The following UNC93B1 variants were observed in gnomAD, a reference collection of about 807,000 sequenced individuals.
UNC93B1 encodes the protein protein unc-93 homolog B1.
Under a neutral mutation model 56.8 loss-of-function variants are expected in UNC93B1, and 33 were observed. The ratio of observed to expected loss-of-function variants is 0.58; its 90% confidence interval spans 0.44 to 0.78. UNC93B1 has a LOEUF of 0.78. Among genes scored for constraint, UNC93B1 ranks in the 30% least tolerant of loss-of-function variants. UNC93B1 has a pLI of 0.00. For missense variants in UNC93B1, 673 were observed against 819.5 expected, an observed-to-expected ratio of 0.82 and a Z score of 2.18; for synonymous variants, 334 against 358.6, an observed-to-expected ratio of 0.93 and a Z score of 0.77.
At chr11:67,997,876 C>T (rs1239653746) in intron 6 of UNC93B1, 77 bp from the exon 7 acceptor site, 10 of 1,559,416 alleles carry the variant, frequency 6.4e-6, no homozygotes, top group Middle Eastern at 1.7e-4. Flanking sequence ...GGTGGAGCCA[C>T]GCAGGCCGCG....
At position 67,999,686 on chromosome 11, in the gene UNC93B1, G is replaced by A. The variant is rs1490975669; in HGVS notation, c.393-6C>T. 1.2e-6 allele frequency: 2 copies of A among 1,609,570 alleles called. No individual in the cohort carries two copies. ...TCCACTTCGTTCCAAAAAACCTGCG[G>A]ACAGTGGGAGAGATGCTGGCACCAC... is the stretch of plus-strand genomic sequence containing the variant. On this transcript the variant is annotated splice_region_variant and splice_polypyrimidine_tract_variant and intron_variant, in intron 3 of 10. Coordinates refer to ENST00000227471, the MANE Select transcript of UNC93B1 (RefSeq NM_030930.4).
chr11:68,003,320 G>C lies in UNC93B1; in HGVS notation c.239-145C>G. On this transcript the variant is annotated intron_variant, in intron 2 of 10. Transcript: ENST00000227471. The surrounding 1 kb of genome is among the most constrained non-coding windows in gnomAD (Gnocchi z 4.4). ...CGCCCCTCAGGACAGCGGGGTTCCC[G>C]GGCTGCGCCACGCCTTCTGCCAGCC... 9.1e-7 allele frequency: 1 copy of C among 1,099,044 alleles called. No individual in the cohort carries two copies. The highest frequency in any genetic ancestry group is 1.2e-6 in the Non-Finnish European group (1 of 805,638). The allele number at this position is 1,099,044 out of a possible 1,614,324, so 68.1% of individuals were successfully genotyped here.
chr11:68,003,013 C>T lies in UNC93B1; in HGVS notation c.392+9G>A. ...TACCGCAGCATCCCACAGGAGCAGC[C>T]GCGCCCACCTGATGAGCACAGGTGT... On this transcript the variant is annotated intron_variant, in intron 3 of 10. Coordinates refer to ENST00000227471, the MANE Select transcript of UNC93B1 (RefSeq NM_030930.4). The surrounding 1 kb of genome is among the most constrained non-coding windows in gnomAD (Gnocchi z 4.4). The T allele has an allele frequency of 4.4e-6, 7 of 1,604,816 alleles. No individual in the cohort carries two copies. Among genetic ancestry groups the T allele is most frequent in the Non-Finnish European group, 6.0e-6 (7 of 1,176,100 alleles).
intron 3 of UNC93B1, among the ~76,000 whole-genome samples, chr11:68,002,177 C>T (rs1257773856): frequency 3.5e-5 from 4 of 112,970 alleles, no homozygotes; most frequent in Non-Finnish European, 7.2e-5. Context: ...AAACATAGCC[C>T]GCTTGCATAC....
Position 68,003,836 on chromosome 11 carries a change from C to T in UNC93B1, c.97-38G>A, listed in dbSNP as rs1432426237. On this transcript the variant is annotated intron_variant, in intron 1 of 10. Transcript: ENST00000227471. The surrounding 1 kb of genome is among the most constrained non-coding windows in gnomAD (Gnocchi z 4.4). ...CACGCCGCTCGCACCCGCGATCGCGCCCCGAACCCGTGTCCCCCGGTGCCC... is the reference window on the plus strand; with the variant it reads ...CACGCCGCTCGCACCCGCGATCGCGTCCCGAACCCGTGTCCCCCGGTGCCC... The T allele has an allele frequency of 2.1e-6, 3 of 1,428,820 alleles. No homozygotes were observed. The highest frequency in any genetic ancestry group is 3.0e-5 in the African/African-American group (2 of 67,594). 88.5% of individuals were successfully genotyped at this position (1,428,820 alleles called of 1,614,324 possible).
intron 3 of UNC93B1, among the ~76,000 whole-genome samples, chr11:68,001,040 C>CA (rs1857037328): frequency 2.6e-5 from 4 of 151,710 alleles, no homozygotes; most frequent in East Asian, 1.9e-4. Context: ...ACTAAAAATA[C>CA]AAAAAATTAG....
Position 68,003,256 on chromosome 11 carries a change from G to T in UNC93B1, c.239-81C>A, listed in dbSNP as rs1177174440. 5.7e-6 allele frequency: 8 copies of T among 1,405,706 alleles called. No homozygotes were observed. The highest frequency in any genetic ancestry group is 6.6e-6 in the Non-Finnish European group (7 of 1,066,166). 87.1% of individuals were successfully genotyped at this position (1,405,706 alleles called of 1,614,324 possible). ...GAGCAGAAGACGGCATGCAGGCCTC[G>T]CAGGGAGCTCCAATCACCGAAGGCA... On this transcript the variant is annotated intron_variant, in intron 2 of 10. Transcript: ENST00000227471. This position sits in a 1 kb window ranked among gnomAD's most constrained non-coding sequence, Gnocchi z 4.4.
At chr11:67,994,931 T>G (rs1185089284) in intron 9 of UNC93B1, among the ~76,000 whole-genome samples, 2 of 152,206 alleles carry the variant, frequency 1.3e-5, no homozygotes, top group African/African-American at 4.8e-5. Context: ...TCAGGGAGCA[T>G]CCTGGAGCTG....
intron 7 of UNC93B1, among the ~76,000 whole-genome samples, chr11:67,997,181 T>C (rs1033937952): frequency 2.3e-5 from 3 of 127,846 alleles, no homozygotes; most frequent in South Asian, 2.7e-4. Flanking sequence ...ACCCACAGAC[T>C]TCGGCCCCGC....
chr11:67,994,240 T>C (rs187038750), intron 9 of UNC93B1, among the ~76,000 whole-genome samples: 170 of 152,268 alleles, frequency 1.1e-3, no homozygotes, highest in African/African-American at 3.9e-3. Context: ...TCCTTTCCAG[T>C]GAGTCCTCCC....
intron 10 of UNC93B1, among the ~76,000 whole-genome samples, chr11:67,992,945 G>A (rs1404383145): frequency 2.0e-5 from 3 of 152,134 alleles, no homozygotes; most frequent in Non-Finnish European, 4.4e-5. Flanking sequence ...TTACAGGCGT[G>A]AGCCACTACT....
chr11:68,003,067 T>C lies in UNC93B1; in HGVS notation c.347A>G (p.Asn116Ser), dbSNP rs1241887801. 1 of 1,612,568 alleles carries C rather than the reference T, an allele frequency of 6.2e-7. No homozygotes were observed. Among genetic ancestry groups the C allele is most frequent in the Admixed American group, 1.7e-5 (1 of 59,910 alleles). ...DIDSKMLMGI[N>S]VTPIAALLYT... ...GAGCAGGGCGGCGATGGGAGTCACG[T>C]TGATGCCCATCAGCATTTTGCTGTC... is the stretch of plus-strand genomic sequence containing the variant. Residue 116 changes from asparagine (N) to serine (S), a missense_variant, in exon 3 of 11, where the codon AAC (asparagine) becomes AGC (serine). Around this residue, in one of 3 missense-constraint regions of UNC93B1, gnomAD observed 438 missense variants for 465.9 expected, o/e 0.94. Transcript: ENST00000227471. This position sits in a 1 kb window ranked among gnomAD's most constrained non-coding sequence, Gnocchi z 4.4.
In UNC93B1 at chr11:67,997,687, C is replaced by A; in HGVS notation, c.894G>T (p.Leu298=). ...VESVLMAVAF[L]AMLLVLGLCG... Reference sequence around the variant, plus strand: ...TCCCGGGCCGCACCAGCAGCATGGCCAGGAAGGCCACTGCCATGAGCACGC... The same window carrying A: ...TCCCGGGCCGCACCAGCAGCATGGCAAGGAAGGCCACTGCCATGAGCACGC... Residue 298 remains leucine, a synonymous_variant, in exon 7 of 11, where the codon CTG becomes CTT. Transcript: ENST00000227471. The A allele has an allele frequency of 1.2e-6, 2 of 1,605,046 alleles. No homozygotes were observed. The highest frequency in any genetic ancestry group is 1.7e-6 in the Non-Finnish European group (2 of 1,179,834).
intron 3 of UNC93B1, among the ~76,000 whole-genome samples, chr11:68,000,517 T>C (rs983065023): frequency 3.3e-5 from 5 of 151,926 alleles, no homozygotes; most frequent in African/African-American, 9.7e-5. Flanking sequence ...ATACAAAAAT[T>C]AGCCGGGTGT....
At chr11:67,999,889 G>T (rs759567299) in intron 3 of UNC93B1, among the ~76,000 whole-genome samples, 1 of 152,254 alleles carries the variant, frequency 6.6e-6, no homozygotes, top group Non-Finnish European at 1.5e-5. Context: ...TGTAATATGG[G>T]CACGGAGCCC....
At position 67,996,571 on chromosome 11, in the gene UNC93B1, T is replaced by C. The variant is rs910048546; in HGVS notation, c.1089+31A>G. ...AAATTTACCTGGCTATCTTGTCTTTTGTCGGGCAATCCTTTGCAGGCTGTA... is the reference window on the plus strand; with the variant it reads ...AAATTTACCTGGCTATCTTGTCTTTCGTCGGGCAATCCTTTGCAGGCTGTA... On this transcript the variant is annotated intron_variant, in intron 8 of 10. Transcript: ENST00000227471. The C allele has an allele frequency of 1.2e-5, 18 of 1,490,936 alleles. 1 individual carries two copies. In the East Asian group the frequency reaches 4.5e-4, roughly 38 times the overall value. The allele number at this position is 1,490,936 out of a possible 1,614,324, so 92.4% of individuals were successfully genotyped here. A position where few individuals can be genotyped will look rare whatever the true frequency, so the allele number is the denominator to read the frequency against.
intron 7 of UNC93B1, 133 bp downstream of exon 7, chr11:67,997,542 C>T: frequency 6.8e-7 from 1 of 1,471,838 alleles, no homozygotes. Context: ...ATCGCGCTCC[C>T]AGGCCTACGG....
chr11:68,002,010 G>A (rs1341519437), intron 3 of UNC93B1, among the ~76,000 whole-genome samples: 1 of 152,030 alleles, frequency 6.6e-6, no homozygotes, highest in Non-Finnish European at 1.5e-5. Context: ...CGGGTGGCAG[G>A]CGCCTGTAAT....
Position 68,003,022 on chromosome 11 carries a change from C to G in UNC93B1, c.392G>C (p.Arg131Thr). 6.2e-7 allele frequency: 1 copy of G among 1,609,308 alleles called. No individual in the cohort carries two copies. The highest frequency in any genetic ancestry group is 1.1e-5 in the South Asian group (1 of 90,188). Residue 131 changes from arginine (R) to threonine (T), a missense_variant and splice_region_variant, in exon 3 of 11, where the codon AGG becomes ACG. By Grantham distance (71) the Arg-to-Thr change is moderately conservative. Coordinates refer to ENST00000227471, the MANE Select transcript of UNC93B1 (RefSeq NM_030930.4). The surrounding 1 kb of genome is among the most constrained non-coding windows in gnomAD (Gnocchi z 4.4). ...ATCCCACAGGAGCAGCCGCGCCCACCTGATGAGCACAGGTGTGTAGAGCAG... is the reference window on the plus strand; with the variant it reads ...ATCCCACAGGAGCAGCCGCGCCCACGTGATGAGCACAGGTGTGTAGAGCAG... Reference protein sequence around the residue: ...AALLYTPVLIRFFGTKWMMFL... With the variant: ...AALLYTPVLITFFGTKWMMFL...
Sources: gnomAD v4.1 joint callset for allele counts (sites outside exome capture counted in the v4.1 genomes callset) on GRCh38, gnomAD v4.1.1 for gene constraint, gnomAD v4.1.1 regional missense constraint, Gnocchi (gnomAD v3.1) non-coding constraint, MANE v1.5 for transcripts, NCBI Gene and HGNC (gene_info 2026-07-23, HGNC 2026-07-21) for gene names.